The following PTPN4 variants were observed in gnomAD, a reference collection of about 807,000 sequenced individuals.
PTPN4 encodes protein tyrosine phosphatase non-receptor type 4.
Under a neutral mutation model 135.5 loss-of-function variants are expected in PTPN4, and 49 were observed. That is an observed-to-expected ratio of 0.36 (90% CI 0.29 to 0.46). The LOEUF (loss-of-function observed/expected upper bound fraction) is 0.46. Among genes scored for constraint, PTPN4 ranks in the 20% least tolerant of loss-of-function variants. The pLI is 1.00. For synonymous variants in PTPN4, 333 were observed against 369.9 expected, an observed-to-expected ratio of 0.90 and a Z score of 1.14; for missense variants, 860 against 1,101.0, an observed-to-expected ratio of 0.78 and a Z score of 3.10.
intron 2 of PTPN4, among the ~76,000 whole-genome samples, chr2:119,843,341 G>A (rs1677412000): frequency 6.9e-6 from 1 of 144,390 alleles, no homozygotes; most frequent in Non-Finnish European, 1.5e-5. Context: ...CAAGGCAGAG[G>A]AATTTTTCTT....
intron 1 of PTPN4, among the ~76,000 whole-genome samples, chr2:119,765,857 G>T (rs1690604794): frequency 6.6e-6 from 1 of 152,100 alleles, no homozygotes; most frequent in Admixed American, 6.5e-5. Context: ...AAGTTGTCTT[G>T]TTGGATATGT....
At chr2:119,843,238 T>C (rs1677409352) in intron 2 of PTPN4, among the ~76,000 whole-genome samples, 1 of 123,410 alleles carries the variant, frequency 8.1e-6, no homozygotes, top group African/African-American at 3.2e-5. Flanking sequence ...TTTTTTTTTT[T>C]GCACCGCCCT....
chr2:119,935,383 T>C (rs1260802583), intron 15 of PTPN4, among the ~76,000 whole-genome samples: 1 of 152,196 alleles, frequency 6.6e-6, no homozygotes, highest in Non-Finnish European at 1.5e-5. Flanking sequence ...TGTAGATAGG[T>C]AAGAAGATTT....
At chr2:119,931,125 A>C (rs972033041) in intron 13 of PTPN4, among the ~76,000 whole-genome samples, 2 of 152,134 alleles carry the variant, frequency 1.3e-5, no homozygotes, top group African/African-American at 2.4e-5. Flanking sequence ...GCTGGAATGG[A>C]AAATACATAT....
At chr2:119,975,619 G>T (rs757492718) in intron 26 of PTPN4, among the ~76,000 whole-genome samples, 1 of 152,094 alleles carries the variant, frequency 6.6e-6, no homozygotes, top group Non-Finnish European at 1.5e-5. Context: ...CAGCTACTCC[G>T]GAGGCTGAGG....
chr2:119,810,062 G>A (rs1691551522), intron 2 of PTPN4, 71 bp downstream of exon 2: 6 of 1,454,222 alleles, frequency 4.1e-6, no homozygotes, highest in Non-Finnish European at 5.6e-6. Flanking sequence ...ATGTAAACTA[G>A]GATTATTAAA....
Position 119,962,730 on chromosome 2 carries a change from C to T in PTPN4, c.2395C>T (p.Leu799=). 2 of 1,582,384 alleles carry T rather than the reference C, an allele frequency of 1.3e-6. No individual in the cohort carries two copies. The highest frequency in any genetic ancestry group is 1.7e-6 in the Non-Finnish European group (2 of 1,159,310). The part of the protein sequence containing the change: ...NTAYIFRKMT[L]FNQEKNESRP... The stretch of plus-strand genomic sequence containing the variant: ...TGCCTATATCTTCAGGAAGATGACC[C>T]TATTTAACCAAGAGGTAAGAAGGCA... Residue 799 remains leucine, a synonymous_variant, in exon 24 of 27, where the codon CTA becomes TTA. Transcript: ENST00000263708.
At chr2:119,886,433 C>G (rs1678155791) in intron 9 of PTPN4, among the ~76,000 whole-genome samples, 1 of 152,092 alleles carries the variant, frequency 6.6e-6, no homozygotes, top group African/African-American at 2.4e-5. Flanking sequence ...AACATTGCTG[C>G]CTTTGAAAAA....
chr2:119,920,205 C>G lies in PTPN4; in HGVS notation c.965C>G (p.Ala322Gly), dbSNP rs1316959212. 2 of 1,612,670 alleles carry G rather than the reference C, an allele frequency of 1.2e-6. No individual in the cohort carries two copies. The highest frequency in any genetic ancestry group is 1.3e-5 in the African/African-American group (1 of 74,860). ...RPLPPQKNFF[A>G]HYFTLGSKFR... ...CTTCCACCTCAAAAGAATTTTTTTG[C>G]ACATTATTTTACATTAGGTTCAAAA... Residue 322 changes from alanine to glycine, a missense_variant, in exon 12 of 27, where the codon GCA becomes GGA. Physicochemically the swap from Ala to Gly is moderately conservative, Grantham distance 60. This residue lies in a region of PTPN4 where 684 missense variants were observed against 807.0 expected (regional missense o/e 0.85). Transcript: ENST00000263708.
intron 2 of PTPN4, among the ~76,000 whole-genome samples, chr2:119,827,403 T>A (rs1054826441): frequency 6.6e-6 from 1 of 152,200 alleles, no homozygotes; most frequent in African/African-American, 2.4e-5. Context: ...TGCATCAGCA[T>A]TACATGAGAG....
chr2:119,860,573 A>G (rs972739503), intron 2 of PTPN4, among the ~76,000 whole-genome samples: 18 of 152,182 alleles, frequency 1.2e-4, no homozygotes, highest in Admixed American at 9.8e-4. Flanking sequence ...ATATGAAAAA[A>G]AAATGTCCTT....
intron 1 of PTPN4, among the ~76,000 whole-genome samples, chr2:119,804,956 T>G (rs964132003): frequency 1.1e-4 from 16 of 152,226 alleles, no homozygotes; most frequent in Non-Finnish European, 1.2e-4. Flanking sequence ...TCCTGACTTT[T>G]TAATGATCGC....
At chr2:119,890,572 A>G (rs898602833) in intron 9 of PTPN4, among the ~76,000 whole-genome samples, 2 of 152,006 alleles carry the variant, frequency 1.3e-5, no homozygotes, top group Admixed American at 1.3e-4. Flanking sequence ...TCTGGTTATT[A>G]TATGTATTCT....
At chr2:119,966,133 G>T (rs114643986) in intron 25 of PTPN4, among the ~76,000 whole-genome samples, 2,270 of 152,232 alleles carry the variant, frequency 0.015, 48 homozygotes, top group African/African-American at 0.051. Context: ...TCATTCTCTG[G>T]ACGGGATGAA....
intron 2 of PTPN4, among the ~76,000 whole-genome samples, chr2:119,861,713 C>G (rs1677762716): frequency 6.6e-6 from 1 of 151,942 alleles, no homozygotes; most frequent in African/African-American, 2.4e-5. Context: ...TTTATTTTAA[C>G]TGAACATGTT....
intron 19 of PTPN4, among the ~76,000 whole-genome samples, chr2:119,953,956 T>C (rs1426611341): frequency 6.6e-6 from 1 of 152,224 alleles, no homozygotes; most frequent in Non-Finnish European, 1.5e-5. Flanking sequence ...TTGCAAAATA[T>C]CTTTCTAAAT....
intron 1 of PTPN4, among the ~76,000 whole-genome samples, chr2:119,760,616 CTG>C (rs1324653032): frequency 2.0e-5 from 3 of 151,766 alleles, no homozygotes; most frequent in Non-Finnish European, 4.4e-5. Flanking sequence ...GTTGGAATCT[CTG>C]TTATGGGTCA....
chr2:119,917,522 C>T (rs1678671307), intron 11 of PTPN4, among the ~76,000 whole-genome samples: 1 of 152,044 alleles, frequency 6.6e-6, no homozygotes, highest in African/African-American at 2.4e-5. Flanking sequence ...TTGCTTTAGG[C>T]CTGGAGTTCA....
intron 7 of PTPN4, 41 bp from the exon 8 acceptor site, chr2:119,882,462 A>G: frequency 1.4e-6 from 2 of 1,444,046 alleles, no homozygotes. Context: ...TAATTTAAAA[A>G]TTTGTTTATT....
Sources: gnomAD v4.1 joint callset for allele counts (sites outside exome capture counted in the v4.1 genomes callset) on GRCh38, gnomAD v4.1.1 for gene constraint, gnomAD v4.1.1 regional missense constraint, MANE v1.5 for transcripts, NCBI Gene and HGNC (gene_info 2026-07-23, HGNC 2026-07-21) for gene names.